The following VDR variants were observed in gnomAD, a reference collection of about 807,000 sequenced individuals.
VDR encodes vitamin D receptor.
Under a neutral mutation model 39.7 loss-of-function variants are expected in VDR, and 19 were observed. The observed-to-expected ratio is 0.48, with a 90% CI of 0.33 to 0.70. The LOEUF (loss-of-function observed/expected upper bound fraction) is 0.70. VDR is among the 30% of genes least tolerant of loss of function. The probability of loss-of-function intolerance (pLI) is 0.02; values close to 1 mark genes in which losing one functional copy is unlikely to be tolerated. For missense variants in VDR, 442 were observed against 570.5 expected (o/e 0.77, Z 2.29); for synonymous variants, 242 against 215.8 (o/e 1.12, Z -1.07).
At chr12:47,871,421 C>A in intron 3 of VDR, among the ~76,000 whole-genome samples, 1 of 147,486 alleles carries the variant, frequency 6.8e-6, no homozygotes, top group Non-Finnish European at 1.5e-5. Context: ...ATCTGTCTGT[C>A]TATCTGTCTT....
chr12:47,882,653 CAG>C, intron 2 of VDR, 39 bp downstream of exon 2: 2 of 221,008 alleles, frequency 9.0e-6, no homozygotes, highest in Middle Eastern at 1.5e-3. Flanking sequence ...CCCTTGAAAA[CAG>C]AAAGCCAGGG....
In VDR at chr12:47,879,228, C is replaced by A. The variant is rs1946086597; in HGVS notation, c.-2-113G>T. 4 of 1,335,518 alleles carry A rather than the reference C, an allele frequency of 3.0e-6. No individual in the cohort carries two copies. The South Asian group carries it at 5.7e-5, about 19-fold the overall frequency. The allele number at this position is 1,335,518 out of a possible 1,614,324, so 82.7% of individuals were successfully genotyped here. A position where few individuals can be genotyped will look rare whatever the true frequency, so the allele number is the denominator to read the frequency against. ...ATCCCACCGCCCCCACCCCCCACCA[C>A]CAGGGAGCTCAGCAAGGGTGGGCAT... On this transcript the variant is annotated intron_variant, in intron 2 of 9. Coordinates refer to ENST00000549336, the MANE Select transcript of VDR (RefSeq NM_000376.3).
chr12:47,882,628 T>TTC, intron 2 of VDR, 66 bp downstream of exon 2: 21 of 187,188 alleles, frequency 1.1e-4, no homozygotes, highest in Non-Finnish European at 1.8e-4. Flanking sequence ...CTTATGCCCC[T>TTC]CCCCCCCACC....
chr12:47,861,488 T>C (rs534928306), intron 4 of VDR, among the ~76,000 whole-genome samples: 1 of 152,252 alleles, frequency 6.6e-6, no homozygotes, highest in Non-Finnish European at 1.5e-5. Context: ...AAATGCACTG[T>C]GATTTACGAA....
chr12:47,881,420 C>G (rs1946148128), intron 2 of VDR, among the ~76,000 whole-genome samples: 2 of 152,082 alleles, frequency 1.3e-5, no homozygotes, highest in South Asian at 2.1e-4. Context: ...CATTCATACT[C>G]AAAACCTCAG....
intron 1 of VDR, chr12:47,901,206 T>G (rs1946553011): frequency 6.4e-6 from 1 of 155,326 alleles, no homozygotes; most frequent in Admixed American, 6.5e-5. Flanking sequence ...GCAGAGTAAC[T>G]GAGAGTCACT....
At chr12:47,890,587 G>C (rs1230626738) in intron 1 of VDR, among the ~76,000 whole-genome samples, 1 of 151,894 alleles carries the variant, frequency 6.6e-6, no homozygotes, top group Non-Finnish European at 1.5e-5. Flanking sequence ...CAGACAGGCT[G>C]TCTTGCTTCT....
chr12:47,904,850 A>C, intron 1 of VDR, 105 bp downstream of exon 1: 1 of 433,246 alleles, frequency 2.3e-6, no homozygotes, highest in Non-Finnish European at 4.2e-6. Flanking sequence ...GCTGAGACTT[A>C]GACTCTAATG....
At chr12:47,859,907 TTCCTTCC>T (rs1945582149) in intron 4 of VDR, among the ~76,000 whole-genome samples, 1 of 44,976 alleles carries the variant, frequency 2.2e-5, no homozygotes, top group African/African-American at 1.3e-4. Flanking sequence ...CCTTCCTTCC[TTCCTTCC>T]TTCTTTCTTT....
Position 47,882,830 on chromosome 12 carries a change from A to G in VDR, c.-83-56T>C, listed in dbSNP as rs117397914. The G allele has an allele frequency of 0.014, 20,230 of 1,426,288 alleles. 204 individuals are homozygous for G. Among genetic ancestry groups the G allele is most frequent in the Non-Finnish European group, 0.015 (16,106 of 1,050,632 alleles). 88.4% of individuals were successfully genotyped at this position (1,426,288 alleles called of 1,614,324 possible). The stretch of plus-strand genomic sequence containing the variant: ...AAGGCGGAGCGCTGACCGCCTCCCC[A>G]GTCTCTAAGGAAGTGGGCACGAGAG... On this transcript the variant is annotated intron_variant, in intron 1 of 9. Transcript: ENST00000549336.
At chr12:47,857,931 C>A (rs1057384605) in intron 4 of VDR, among the ~76,000 whole-genome samples, 1 of 152,090 alleles carries the variant, frequency 6.6e-6, no homozygotes, top group Non-Finnish European at 1.5e-5. Context: ...ATGATCTGGG[C>A]TTTAGGGAGT....
chr12:47,848,203 AT>A (rs899178555), intron 7 of VDR, among the ~76,000 whole-genome samples: 5 of 151,752 alleles, frequency 3.3e-5, no homozygotes, highest in Non-Finnish European at 1.5e-5. Flanking sequence ...TAATTTTTAA[AT>A]TTTTTTTGTA....
chr12:47,878,877 A>G (rs1427942922), intron 3 of VDR, 91 bp downstream of exon 3: 8 of 1,597,714 alleles, frequency 5.0e-6, no homozygotes, highest in Non-Finnish European at 6.0e-6. Flanking sequence ...GTAAGGAAGG[A>G]GATGTGAAAA....
chr12:47,847,845 C>T (rs1217560043), intron 7 of VDR, among the ~76,000 whole-genome samples: 1 of 152,230 alleles, frequency 6.6e-6, no homozygotes. Flanking sequence ...TGGGCTCAAG[C>T]AGTCCTCCTG....
chr12:47,865,981 C>T (rs1025882218), intron 3 of VDR, among the ~76,000 whole-genome samples: 1 of 152,054 alleles, frequency 6.6e-6, no homozygotes, highest in African/African-American at 2.4e-5. Flanking sequence ...TCCCAAAGTG[C>T]TGGGATTACA....
At chr12:47,875,193 C>T (rs1945975599) in intron 3 of VDR, among the ~76,000 whole-genome samples, 1 of 152,206 alleles carries the variant, frequency 6.6e-6, no homozygotes, top group South Asian at 2.1e-4. Context: ...GAGTCTTAGA[C>T]TCGTTTTGAT....
chr12:47,854,619 A>G (rs989589014), intron 7 of VDR, among the ~76,000 whole-genome samples: 1 of 152,216 alleles, frequency 6.6e-6, no homozygotes, highest in Non-Finnish European at 1.5e-5. Flanking sequence ...TAATATGAGG[A>G]TTCCAGTCAA....
chr12:47,893,115 T>C (rs1946399880), intron 1 of VDR, among the ~76,000 whole-genome samples: 1 of 152,240 alleles, frequency 6.6e-6, no homozygotes, highest in South Asian at 2.1e-4. Flanking sequence ...CACTCTTTTC[T>C]CTGCTTCTTC....
At chr12:47,901,882 T>C (rs976857215) in intron 1 of VDR, among the ~76,000 whole-genome samples, 2 of 151,880 alleles carry the variant, frequency 1.3e-5, no homozygotes, top group Non-Finnish European at 2.9e-5. Flanking sequence ...AAGTCAAGGG[T>C]GAAGGGAAGT....
Sources: allele counts gnomAD v4.1 joint callset (sites outside exome capture counted in the v4.1 genomes callset), GRCh38; gene constraint gnomAD v4.1.1; transcripts MANE v1.5; gene names NCBI Gene and HGNC (gene_info 2026-07-23, HGNC 2026-07-21).